TUT4: variants seen among roughly 807,000 people sequenced by gnomAD.
TUT4 encodes terminal uridylyl transferase 4.
A neutral mutation model predicts 192.2 loss-of-function variants in TUT4; 36 were observed. The observed-to-expected ratio is 0.19, with a 90% CI of 0.14 to 0.25. The LOEUF is 0.25. Ranked by LOEUF, TUT4 falls within the 10% of genes least tolerant of loss-of-function variation. TUT4 has a pLI of 1.00. For synonymous variants in TUT4, 618 were observed against 666.0 expected, an observed-to-expected ratio of 0.93 and a Z score of 1.11; for missense variants, 1,493 against 1,957.2, an observed-to-expected ratio of 0.76 and a Z score of 4.47.
rs868395034 is a variant in TUT4, at chr1:52,495,457, A to G, written c.1236T>C (p.Asp412=). The G allele has an allele frequency of 2.5e-6, 4 of 1,611,126 alleles. No individual in the cohort carries two copies. The highest frequency in any genetic ancestry group is 3.3e-4 in the Middle Eastern group (2 of 6,050). ...SLTRFALKSS[D]VNIDIKFPPK... Reference sequence around the variant, plus strand: ...GAGGAAATTTTATATCTATATTAACATCACTACTTTTCAGAGCAAATCTAG... The same window carrying G: ...GAGGAAATTTTATATCTATATTAACGTCACTACTTTTCAGAGCAAATCTAG... Residue 412 remains aspartate (D), a synonymous_variant, in exon 6 of 30, where the codon GAT becomes GAC. Coordinates refer to ENST00000257177, the MANE Select transcript of TUT4 (RefSeq NM_001009881.3).
chr1:52,492,083 AC>A (rs1671301962), intron 7 of TUT4, among the ~76,000 whole-genome samples: 1 of 152,192 alleles, frequency 6.6e-6, no homozygotes, highest in Non-Finnish European at 1.5e-5. Flanking sequence ...GGATGATACT[AC>A]CTAGGAAGTC....
intron 3 of TUT4, among the ~76,000 whole-genome samples, 168 bp from the exon 4 acceptor site, chr1:52,509,880 C>T (rs1676635358): frequency 6.6e-6 from 1 of 152,080 alleles, no homozygotes; most frequent in African/African-American, 2.4e-5. Flanking sequence ...AACTTATATA[C>T]TGAAGAGATA....
At chr1:52,449,356 T>C (rs184613519) in intron 20 of TUT4, among the ~76,000 whole-genome samples, 1 of 152,368 alleles carries the variant, frequency 6.6e-6, no homozygotes, top group Admixed American at 6.5e-5. Context: ...TGGAGTGCAG[T>C]GGCACAATCT....
chr1:52,447,451 C>CA lies in TUT4; in HGVS notation c.3436-785dup, dbSNP rs1253257001. On this transcript the variant is annotated intron_variant, in intron 20 of 29. Coordinates refer to ENST00000257177, the MANE Select transcript of TUT4 (RefSeq NM_001009881.3). ...GCGACAGGGCGAGACTCCATCTCAC[C>CA]AAAAAAAAACAAAAAAACAAAAAAA... Among the ~76,000 whole-genome samples the CA allele has an allele frequency of 6.5e-4, 65 of 100,438 alleles. 1 individual carries two copies. The highest frequency in any genetic ancestry group is 5.8e-3 in the East Asian group (21 of 3,628). 65.9% of individuals were successfully genotyped at this position (100,438 alleles called of 152,430 possible).
chr1:52,548,757 C>T (rs1281650739), intron 1 of TUT4, among the ~76,000 whole-genome samples: 1 of 152,148 alleles, frequency 6.6e-6, no homozygotes, highest in African/African-American at 2.4e-5. Context: ...AACAAACATA[C>T]CTATTTCTTT....
rs551167282 is a variant in TUT4 at position 52,459,184 on chromosome 1, G to A, written c.3322-735C>T. 8.6e-4 allele frequency among the ~76,000 whole-genome samples: 131 copies of A among 152,170 alleles called. 3 individuals are homozygous for A. In the South Asian group the frequency reaches 0.024, roughly 28 times the overall value. On this transcript the variant is annotated intron_variant, in intron 19 of 29. Coordinates refer to ENST00000257177, the MANE Select transcript of TUT4 (RefSeq NM_001009881.3). ...GCCTGTAGTCCCAGCTACTCGGGAG[G>A]CTGAGGCAGGAGAATGGCGTGAACC...
chr1:52,491,569 TC>T (rs34044093), intron 7 of TUT4, among the ~76,000 whole-genome samples: 3 of 152,114 alleles, frequency 2.0e-5, no homozygotes, highest in African/African-American at 4.8e-5. Context: ...GCGCCTGTAA[TC>T]CCAGCTACTC....
At chr1:52,528,811 C>T (rs1682556809) in intron 1 of TUT4, among the ~76,000 whole-genome samples, 1 of 152,032 alleles carries the variant, frequency 6.6e-6, no homozygotes, top group South Asian at 2.1e-4. Context: ...AACTCCTGGG[C>T]TCAAATGATC....
chr1:52,456,833 T>C (rs1457721839), intron 20 of TUT4, among the ~76,000 whole-genome samples: 2 of 152,144 alleles, frequency 1.3e-5, no homozygotes, highest in Non-Finnish European at 2.9e-5. Flanking sequence ...ATATACAACA[T>C]CAAGAATAAA....
chr1:52,528,914 T>C (rs1039455911), intron 1 of TUT4, among the ~76,000 whole-genome samples: 1 of 152,052 alleles, frequency 6.6e-6, no homozygotes, highest in African/African-American at 2.4e-5. Context: ...AGTCTCACTA[T>C]GTTGCTCAGG....
chr1:52,493,465 G>T lies in TUT4; in HGVS notation c.1318+146C>A, dbSNP rs545891790. ...TTTTCTAGTATATCTATAAACAAGT[G>T]TGTGTATGTATCTCCATTTGTAATG... On this transcript the variant is annotated intron_variant, in intron 7 of 29. Transcript: ENST00000257177. 56 of 561,838 alleles carry T rather than the reference G, an allele frequency of 1.0e-4. No homozygotes were observed. In the South Asian group the frequency reaches 1.1e-3, roughly 11 times the overall value. 34.8% of individuals were successfully genotyped at this position (561,838 alleles called of 1,614,324 possible).
chr1:52,432,876 G>A (rs536827897), intron 27 of TUT4: 21 of 152,510 alleles, frequency 1.4e-4, no homozygotes, highest in Admixed American at 1.4e-3. Context: ...AGCCATGATT[G>A]TGCCACTGCA....
At chr1:52,442,154 T>TGA (rs1301377553) in intron 24 of TUT4, among the ~76,000 whole-genome samples, 4 of 122,054 alleles carry the variant, frequency 3.3e-5, no homozygotes, top group Non-Finnish European at 6.3e-5. Flanking sequence ...GGTGACAGAG[T>TGA]GAGACTCCAC....
At chr1:52,545,301 T>C (rs1222156096) in intron 1 of TUT4, among the ~76,000 whole-genome samples, 2 of 147,898 alleles carry the variant, frequency 1.4e-5, no homozygotes, top group African/African-American at 5.0e-5. Context: ...TGCTTGAGCC[T>C]GGGAGCTGGA....
rs1376329607 is a variant in TUT4, at chr1:52,475,677, A to C, written c.2024-142T>G. The C allele has an allele frequency of 9.7e-6, 7 of 721,314 alleles. No homozygotes were observed. In the Admixed American group the frequency reaches 2.3e-4, roughly 23 times the overall value. The allele number at this position is 721,314 out of a possible 1,614,324, so 44.7% of individuals were successfully genotyped here. A position where few individuals can be genotyped will look rare whatever the true frequency, so the allele number is the denominator to read the frequency against. ...TTTTCTAAGCTAGACTCCCAGTGAA[A>C]GTTCCTGAAAATGGGAGGAAATACA... On this transcript the variant is annotated intron_variant, in intron 12 of 29. Transcript: ENST00000257177.
chr1:52,502,144 C>T (rs191663536), intron 4 of TUT4, among the ~76,000 whole-genome samples: 1,361 of 129,224 alleles, frequency 0.011, 15 homozygotes, highest in Admixed American at 0.017. Context: ...AAAAAAATTT[C>T]AAAAAAAAAA....
chr1:52,425,641 AAACT>A, intron 28 of TUT4, 134 bp from the exon 29 acceptor site: 1 of 1,079,326 alleles, frequency 9.3e-7, no homozygotes, highest in Non-Finnish European at 1.3e-6. Flanking sequence ...AATACCAAAC[AAACT>A]TTTTTAAAGA....
intron 4 of TUT4, among the ~76,000 whole-genome samples, chr1:52,506,715 T>C (rs75855364): frequency 0.012 from 1,867 of 152,318 alleles, 34 homozygotes; most frequent in African/African-American, 0.043. Flanking sequence ...AGAATACAGT[T>C]ATATTAACTG....
At chr1:52,529,852 T>A (rs1175702589) in intron 1 of TUT4, 1 of 152,272 alleles carries the variant, frequency 6.6e-6, no homozygotes, top group East Asian at 1.9e-4. Context: ...CTTCTTCTTC[T>A]TTCTTGAGAC....
Sources: allele counts gnomAD v4.1 joint callset (sites outside exome capture counted in the v4.1 genomes callset), GRCh38; gene constraint gnomAD v4.1.1; transcripts MANE v1.5; gene names NCBI Gene and HGNC (gene_info 2026-07-23, HGNC 2026-07-21).